The following ASIC4 variants were observed in gnomAD, a reference collection of about 807,000 sequenced individuals.
ASIC4 encodes the protein acid sensing ion channel subunit family member 4.
ASIC4 carries 28 observed loss-of-function variants against 53.4 expected under a neutral mutation model. The ratio of observed to expected loss-of-function variants is 0.52; its 90% CI spans 0.39 to 0.72. ASIC4 has a LOEUF of 0.72. ASIC4 is among the 30% of genes least tolerant of loss of function. The pLI is 0.00. For missense variants in ASIC4, 649 were observed against 729.7 expected (o/e 0.89, Z 1.27); for synonymous variants, 289 against 301.4 (o/e 0.96, Z 0.43).
chr2:219,526,506 A>T (rs1232144086), intron 1 of ASIC4, among the ~76,000 whole-genome samples: 2 of 152,196 alleles, frequency 1.3e-5, no homozygotes, highest in Non-Finnish European at 2.9e-5. Context: ...TGGGAGAGAA[A>T]GAGGCCAAGG....
chr2:219,532,440 G>C lies in ASIC4; in HGVS notation c.981G>C (p.Val327=), dbSNP rs1402576257. The C allele has an allele frequency of 6.2e-7, 1 of 1,613,692 alleles. No homozygotes were observed. The highest frequency in any genetic ancestry group is 2.2e-5 in the East Asian group (1 of 44,860). ...GGCTGCGCTGTGAAAAGGAGGCCGTGCTTCAGCGCTGCCACTGCCGGATGG... is the reference window on the plus strand; with the variant it reads ...GGCTGCGCTGTGAAAAGGAGGCCGTCCTTCAGCGCTGCCACTGCCGGATGG... ...ACRLRCEKEA[V]LQRCHCRMVH... The change falls in exon 4 of 10, where the codon GTG becomes GTC. Residue 327 remains valine, a synonymous_variant. Transcript: ENST00000358078.
At position 219,532,929 on chromosome 2, in the gene ASIC4, C is replaced by A. The variant is rs1174969176; in HGVS notation, c.1065C>A (p.Asp355Glu). The A allele has an allele frequency of 1.9e-6, 3 of 1,614,120 alleles. No individual in the cohort carries two copies. The Admixed American group carries it at 5.0e-5, about 27-fold the overall frequency. ...CAAATATCTACATCGAGTGTGCAGA[C>A]CACACACTGGGTCCGTGCTGCCTAC... Reference protein sequence around the residue: ...CPPNIYIECADHTLDSLGGGP... With the variant: ...CPPNIYIECAEHTLDSLGGGP... Residue 355 changes from aspartate (D) to glutamate (E), a missense_variant, in exon 5 of 10, where the codon GAC becomes GAA. Coordinates refer to ENST00000358078, the MANE Select transcript of ASIC4 (RefSeq NM_018674.6).
Position 219,537,915 on chromosome 2 carries a change from CT to C in ASIC4, c.1507-14del. ...TTGAGCTCTCCCGGTCCCACTCTCT[CT>C]TTTCTTTCTCCTGCAGAGTCCCTGC... On this transcript the variant is annotated splice_polypyrimidine_tract_variant and intron_variant, in intron 9 of 9. Transcript: ENST00000358078. The surrounding 1 kb of genome is among the most constrained non-coding windows in gnomAD (Gnocchi z 4.9). 1.3e-6 allele frequency: 2 copies of C among 1,584,660 alleles called. No homozygotes were observed. Among genetic ancestry groups the C allele is most frequent in the East Asian group, 4.5e-5 (2 of 44,378 alleles).
chr2:219,511,399 C>T (rs930209170), upstream of ASIC4, among the ~76,000 whole-genome samples: 7 of 151,190 alleles, frequency 4.6e-5, no homozygotes, highest in Non-Finnish European at 1.0e-4. The surrounding 1 kb of genome is among the most constrained non-coding windows in gnomAD (Gnocchi z 5.3). Context: ...ACTGCCCCCC[C>T]CCCACATTCT....
chr2:219,524,848 GT>G (rs1694939653), intron 1 of ASIC4, among the ~76,000 whole-genome samples: 1 of 152,194 alleles, frequency 6.6e-6, no homozygotes, highest in Non-Finnish European at 1.5e-5. Flanking sequence ...GCCCTGTGAG[GT>G]TGCGCCCAGT....
At position 219,516,564 on chromosome 2, in the gene ASIC4, G is replaced by T. The variant is rs1439293235; in HGVS notation, c.582+1258G>T. ...TTTGCTCCCAGCATTGTGTGTGCATGCGTGTATGTTTCATCCTCGTTGCCA... is the reference window on the plus strand; with the variant it reads ...TTTGCTCCCAGCATTGTGTGTGCATTCGTGTATGTTTCATCCTCGTTGCCA... On this transcript the variant is annotated intron_variant, in intron 1 of 9. Coordinates refer to ENST00000358078, the MANE Select transcript of ASIC4 (RefSeq NM_018674.6). The surrounding 1 kb of genome is among the most constrained non-coding windows in gnomAD (Gnocchi z 4.9). The T allele has an allele frequency of 1.3e-5, 2 of 152,266 alleles. No individual in the cohort carries two copies. Among genetic ancestry groups the T allele is most frequent in the African/African-American group, 4.8e-5 (2 of 41,420 alleles). 9.4% of individuals were successfully genotyped at this position (152,266 alleles called of 1,614,324 possible).
rs1408299005 is a variant in ASIC4 at position 219,535,456 on chromosome 2, GGTGT to G, written c.1229+135_1229+138del. The G allele has an allele frequency of 2.2e-5, 24 of 1,095,884 alleles. No homozygotes were observed. In the East Asian group the frequency reaches 3.5e-4, roughly 16 times the overall value. 67.9% of individuals were successfully genotyped at this position (1,095,884 alleles called of 1,614,324 possible). ...ATGTGTTTGTGTGTATGTGGGTGTG[GGTGT>G]GTATGTGTGTGGGGTGTATGTGGGT... is the stretch of plus-strand genomic sequence containing the variant. On this transcript the variant is annotated intron_variant, in intron 6 of 9. Transcript: ENST00000358078.
At position 219,515,244 on chromosome 2, in the gene ASIC4, G is replaced by T; in HGVS notation, c.520G>T (p.Ala174Ser). ...DILNRTGHQL[A>S]DMLKSCNFSG... ...CCTCAACCGCACTGGCCACCAGCTCGCCGACATGCTTAAGAGCTGCAACTT... is the reference window on the plus strand; with the variant it reads ...CCTCAACCGCACTGGCCACCAGCTCTCCGACATGCTTAAGAGCTGCAACTT... The change falls in exon 1 of 10, where the codon GCC (alanine) becomes TCC (serine). Residue 174 changes from alanine to serine, a missense_variant. Ala to Ser is a moderately conservative substitution (Grantham distance 99). Coordinates refer to ENST00000358078, the MANE Select transcript of ASIC4 (RefSeq NM_018674.6). 6.2e-7 allele frequency: 1 copy of T among 1,614,140 alleles called. No homozygotes were observed. Among genetic ancestry groups the T allele is most frequent in the East Asian group, 2.2e-5 (1 of 44,878 alleles).
At chr2:219,514,169 G>A, upstream of ASIC4, 1 of 758,954 alleles carries the variant, frequency 1.3e-6, no homozygotes, top group East Asian at 2.8e-5. Flanking sequence ...GAGATCTGGG[G>A]ACCCAGTGAG....
the ASIC4 span, among the ~76,000 whole-genome samples, chr2:219,507,785 A>G: frequency 6.6e-6 from 1 of 152,052 alleles, no homozygotes; most frequent in Admixed American, 6.5e-5. Flanking sequence ...TGGGGGGTGC[A>G]GGGCATGGGT....
intron 1 of ASIC4, among the ~76,000 whole-genome samples, chr2:219,520,624 C>A (rs986423061): frequency 3.9e-5 from 6 of 152,220 alleles, no homozygotes; most frequent in Non-Finnish European, 7.3e-5. Flanking sequence ...AGGGTGCCCA[C>A]TGAGGTGGGT....
chr2:219,537,532 G>A lies in ASIC4; in HGVS notation c.1402-100G>A, dbSNP rs1371913289. On this transcript the variant is annotated intron_variant, in intron 8 of 9. Coordinates refer to ENST00000358078, the MANE Select transcript of ASIC4 (RefSeq NM_018674.6). The surrounding 1 kb of genome is among the most constrained non-coding windows in gnomAD (Gnocchi z 4.9). ...GAGGGTGTCCTACTGGGAGTTTGCT[G>A]TGGCAGTAAGTCCTGTGGGCAGCTG... 8.8e-7 allele frequency: 1 copy of A among 1,141,458 alleles called. No individual in the cohort carries two copies. 70.7% of individuals were successfully genotyped at this position (1,141,458 alleles called of 1,614,324 possible). A position where few individuals can be genotyped will look rare whatever the true frequency, so the allele number is the denominator to read the frequency against.
chr2:219,538,287 C>A lies in ASIC4; in HGVS notation c.*241C>A. The A allele has an allele frequency of 6.2e-6, 3 of 480,252 alleles. No individual in the cohort carries two copies. The highest frequency in any genetic ancestry group is 1.1e-5 in the Non-Finnish European group (3 of 267,528). 29.7% of individuals were successfully genotyped at this position (480,252 alleles called of 1,614,324 possible). A position where few individuals can be genotyped will look rare whatever the true frequency, so the allele number is the denominator to read the frequency against. On this transcript the variant is annotated 3_prime_UTR_variant, in exon 10 of 10. Transcript: ENST00000358078. The stretch of plus-strand genomic sequence containing the variant: ...CTGGAGACCAGGCCATGGGCCCTCA[C>A]GGAGAGGAAGGGAAGGAAGGAGAGG...
intron 1 of ASIC4, among the ~76,000 whole-genome samples, chr2:219,519,155 T>C (rs772630157): frequency 1.3e-5 from 2 of 152,168 alleles, no homozygotes; most frequent in Middle Eastern, 3.2e-3. Flanking sequence ...CCGCCCGCCT[T>C]GGCCTCCCAA....
chr2:219,508,239 C>G, the ASIC4 span, among the ~76,000 whole-genome samples: 1 of 152,172 alleles, frequency 6.6e-6, no homozygotes, highest in African/African-American at 2.4e-5. Context: ...AGGTCCCTTC[C>G]CTCTCCTCCC....
Position 219,537,384 on chromosome 2 carries a change from G to A in ASIC4, c.1401+63G>A. The stretch of plus-strand genomic sequence containing the variant: ...CGTGGGCAAAGCAGAAGGGGGCAGT[G>A]CGGGGTGCCTGGTGGAGCTGGCCTG... On this transcript the variant is annotated intron_variant, in intron 8 of 9. Transcript: ENST00000358078. The surrounding 1 kb of genome is among the most constrained non-coding windows in gnomAD (Gnocchi z 4.9). The A allele has an allele frequency of 6.5e-7, 1 of 1,533,352 alleles. No homozygotes were observed. The highest frequency in any genetic ancestry group is 8.9e-7 in the Non-Finnish European group (1 of 1,126,332). The allele number at this position is 1,533,352 out of a possible 1,614,324, so 95.0% of individuals were successfully genotyped here. A position where few individuals can be genotyped will look rare whatever the true frequency, so the allele number is the denominator to read the frequency against.
Position 219,532,060 on chromosome 2 carries a change from T to A in ASIC4, c.787T>A (p.Tyr263Asn). ...GATCCACAGCCAGGAGGAGCCGCCC[T>A]ACATCCACCAGCTGGGGTTCGGGGT... The part of the protein sequence containing the change: ...VQIHSQEEPP[Y>N]IHQLGFGVSP... Residue 263 changes from tyrosine (Y) to asparagine (N), a missense_variant, in exon 3 of 10, where the codon TAC becomes AAC. Transcript: ENST00000358078. 1 of 1,614,244 alleles carries A rather than the reference T, an allele frequency of 6.2e-7. No individual in the cohort carries two copies. The highest frequency in any genetic ancestry group is 8.5e-7 in the Non-Finnish European group (1 of 1,180,036).
chr2:219,512,161 G>GGA (rs1393353665), upstream of ASIC4, among the ~76,000 whole-genome samples: 2 of 152,220 alleles, frequency 1.3e-5, no homozygotes, highest in African/African-American at 2.4e-5. Context: ...CTGGCAGCCT[G>GGA]GAGCTCCCCT....
chr2:219,518,973 G>A lies in ASIC4; in HGVS notation c.582+3667G>A, dbSNP rs974960955. On this transcript the variant is annotated intron_variant, in intron 1 of 9. Coordinates refer to ENST00000358078, the MANE Select transcript of ASIC4 (RefSeq NM_018674.6). This position sits in a 1 kb window ranked among gnomAD's most constrained non-coding sequence, Gnocchi z 4.8. The stretch of plus-strand genomic sequence containing the variant: ...GGCTGGAGTGCAGCGGCGCGATCTC[G>A]GCTCACTACAGGCTCCGCCCCCCGG... 6.6e-6 allele frequency among the ~76,000 whole-genome samples: 1 copy of A among 152,104 alleles called. No homozygotes were observed. Among genetic ancestry groups the A allele is most frequent in the Admixed American group, 6.5e-5 (1 of 15,268 alleles).
Sources: gnomAD v4.1 joint callset for allele counts (sites outside exome capture counted in the v4.1 genomes callset) on GRCh38, gnomAD v4.1.1 for gene constraint, Gnocchi (gnomAD v3.1) non-coding constraint, MANE v1.5 for transcripts, NCBI Gene and HGNC (gene_info 2026-07-23, HGNC 2026-07-21) for gene names.